Variants in SYNE2 observed in about 807,000 individuals in gnomAD.
SYNE2 encodes nesprin-2.
In SYNE2, 431 loss-of-function variants were observed where a neutral mutation model predicts 856.3. The observed-to-expected ratio is 0.50, with a 90% confidence interval of 0.47 to 0.55. The LOEUF is 0.55. SYNE2 is among the 20% of genes least tolerant of loss of function. The pLI, the probability that SYNE2 is intolerant of heterozygous loss-of-function variation, is 0.00. For missense variants in SYNE2, 8,129 were observed against 8,023.2 expected (o/e 1.01, Z -0.50); for synonymous variants, 2,923 against 2,872.3 (o/e 1.02, Z -0.56).
intron 90 of SYNE2, among the ~76,000 whole-genome samples, chr14:64,166,462 AATGAAATTTTGATAAGTT>A (rs1353425629): frequency 6.6e-6 from 1 of 152,236 alleles, no homozygotes; most frequent in African/African-American, 2.4e-5. Context: ...TCTTTTTAAA[AATGAAATTTTGATAAGTT>A]TGCTTTCTTG....
intron 51 of SYNE2, among the ~76,000 whole-genome samples, chr14:64,069,976 A>G (rs1308798026): frequency 6.6e-6 from 1 of 152,186 alleles, no homozygotes; most frequent in Non-Finnish European, 1.5e-5. Flanking sequence ...GGGGTGGGCC[A>G]GGGGATTCGA....
chr14:64,047,389 T>C (rs1007762708), intron 45 of SYNE2, among the ~76,000 whole-genome samples: 1 of 152,108 alleles, frequency 6.6e-6, no homozygotes, highest in Admixed American at 6.5e-5. Flanking sequence ...AGGGTGGGTA[T>C]ATGTAAAATA....
chr14:64,041,343 A>G (rs2097146738), intron 45 of SYNE2, among the ~76,000 whole-genome samples: 1 of 152,204 alleles, frequency 6.6e-6, no homozygotes. Context: ...GACTAGATTA[A>G]AACAGTATGC....
intron 2 of SYNE2, among the ~76,000 whole-genome samples, chr14:63,919,808 T>C (rs925501073): frequency 6.6e-6 from 1 of 152,056 alleles, no homozygotes; most frequent in African/African-American, 2.4e-5. Context: ...AGATTTGTTG[T>C]GATGGCTCTG....
At position 63,976,707 on chromosome 14, in the gene SYNE2, G is replaced by A; in HGVS notation, c.1273G>A (p.Glu425Lys). 1 of 1,613,044 alleles carries A rather than the reference G, an allele frequency of 6.2e-7. No individual in the cohort carries two copies. The highest frequency in any genetic ancestry group is 8.5e-7 in the Non-Finnish European group (1 of 1,179,742). ...DHSQAVTLIQEKMTLFKSLMD... is the reference protein window; with the variant it reads ...DHSQAVTLIQKKMTLFKSLMD... ...CTCTCAAGCCGTGACTCTGATACAA[G>A]AGAAAATGACTTTATTCAAGGTTGG... The change falls in exon 12 of 116, where the codon GAG becomes AAG. Residue 425 changes from glutamate to lysine, a missense_variant. Transcript: ENST00000555002.
chr14:64,195,034 G>A (rs1204584979), intron 99 of SYNE2, among the ~76,000 whole-genome samples: 1 of 152,176 alleles, frequency 6.6e-6, no homozygotes, highest in Non-Finnish European at 1.5e-5. Context: ...GTAGACACAG[G>A]TGGGGCTGTG....
At chr14:64,124,049 A>G (rs569272165) in intron 70 of SYNE2, among the ~76,000 whole-genome samples, 120 of 152,256 alleles carry the variant, frequency 7.9e-4, no homozygotes, top group Non-Finnish European at 1.5e-3. Flanking sequence ...TACTAAAAAT[A>G]CGAAAATTAG....
At chr14:64,189,037 TAAG>T in intron 98 of SYNE2, 1 of 700,476 alleles carries the variant, frequency 1.4e-6, no homozygotes, top group South Asian at 1.5e-5. Context: ...TAGTTGTTAT[TAAG>T]AAGCTCCCCT....
At chr14:64,007,606 G>A (rs1042302615) in intron 31 of SYNE2, among the ~76,000 whole-genome samples, 4 of 152,188 alleles carry the variant, frequency 2.6e-5, no homozygotes, top group Middle Eastern at 3.2e-3. Flanking sequence ...GCTGCGTGAG[G>A]TGGCTCACAC....
At chr14:64,137,761 C>T (rs751109283) in intron 78 of SYNE2, 26 bp from the exon 79 acceptor site, 4 of 1,611,980 alleles carry the variant, frequency 2.5e-6, no homozygotes, top group Non-Finnish European at 3.4e-6. Context: ...CTAAATAATT[C>T]ATTCTATGAC....
intron 1 of SYNE2, among the ~76,000 whole-genome samples, chr14:63,781,735 C>A (rs1482164045): frequency 6.6e-6 from 1 of 151,876 alleles, no homozygotes; most frequent in African/African-American, 2.4e-5. Flanking sequence ...GGACTAGAAA[C>A]AATGACACAC....
At chr14:64,087,559 G>A (rs1429073029) in intron 57 of SYNE2, 112 bp from the exon 58 acceptor site, 1 of 1,131,034 alleles carries the variant, frequency 8.8e-7, no homozygotes, top group East Asian at 2.4e-5. Flanking sequence ...AACTAGAAAT[G>A]ACTAGTTTAA....
At chr14:64,071,755 G>A (rs886461181) in intron 52 of SYNE2, among the ~76,000 whole-genome samples, 3 of 151,974 alleles carry the variant, frequency 2.0e-5, no homozygotes, top group East Asian at 3.9e-4. Context: ...GGTGGCTCAC[G>A]CCTGTAATCC....
chr14:64,030,014 G>A lies in SYNE2; in HGVS notation c.6834G>A (p.Lys2278=), dbSNP rs749622572. Residue 2278 remains lysine, a synonymous_variant, in exon 44 of 116, where the codon AAG becomes AAA. Transcript: ENST00000555002. ...FSKEFVSFSD[K]PVDQIAVEEK... ...AGGAATTTGTCAGTTTTTCTGATAA[G>A]CCTGTGGATCAAATAGCGGTTGAGG... The A allele has an allele frequency of 1.9e-6, 3 of 1,614,072 alleles. No homozygotes were observed. In the South Asian group the frequency reaches 3.3e-5, roughly 18 times the overall value.
chr14:64,053,879 G>A (rs1282874620), intron 48 of SYNE2, among the ~76,000 whole-genome samples: 1 of 152,212 alleles, frequency 6.6e-6, no homozygotes, highest in Non-Finnish European at 1.5e-5. Context: ...TGAGGTACAA[G>A]AATCACTTGA....
chr14:63,926,321 C>G (rs1355246865), intron 2 of SYNE2, among the ~76,000 whole-genome samples: 1 of 151,650 alleles, frequency 6.6e-6, no homozygotes, highest in South Asian at 2.1e-4. Context: ...TAAATGGACT[C>G]ATATAATATG....
Position 64,130,076 on chromosome 14 carries a change from T to C in SYNE2, c.14168T>C (p.Leu4723Pro). The change falls in exon 76 of 116, where the codon CTA becomes CCA. Residue 4723 changes from leucine (L) to proline (P), a missense_variant. Leu to Pro is a moderately conservative substitution (Grantham distance 98). Transcript: ENST00000555002. ...EDVLDSMWGM[L>P]RARYTELSSP... The stretch of plus-strand genomic sequence containing the variant: ...GTACTTGACAGTATGTGGGGAATGC[T>C]AAGAGCCAGGTACACAGAACTCAGC... The C allele has an allele frequency of 1.2e-6, 2 of 1,614,048 alleles. No individual in the cohort carries two copies. Among genetic ancestry groups the C allele is most frequent in the Admixed American group, 1.7e-5 (1 of 60,024 alleles).
chr14:63,886,807 G>A (rs2094997887), intron 1 of SYNE2, among the ~76,000 whole-genome samples: 1 of 151,950 alleles, frequency 6.6e-6, no homozygotes, highest in Non-Finnish European at 1.5e-5. Context: ...CTACAGGTGT[G>A]CTCCATCATG....
intron 1 of SYNE2, among the ~76,000 whole-genome samples, chr14:63,860,187 A>G (rs180893587): frequency 1.5e-3 from 232 of 150,474 alleles, no homozygotes; most frequent in African/African-American, 5.5e-3. Flanking sequence ...TAAATCCACT[A>G]AATTATCATA....
Sources: allele counts gnomAD v4.1 joint callset (sites outside exome capture counted in the v4.1 genomes callset), GRCh38; gene constraint gnomAD v4.1.1; transcripts MANE v1.5; gene names NCBI Gene and HGNC (gene_info 2026-07-23, HGNC 2026-07-21).